Variants in POLN observed in about 807,000 individuals in gnomAD.
POLN encodes DNA polymerase nu, also known as DNA polymerase N.
A neutral mutation model predicts 113.5 loss-of-function variants in POLN; 108 were observed. The observed-to-expected ratio is 0.95, with a 90% CI of 0.81 to 1.12. The LOEUF is 1.12. Among genes scored for constraint, POLN ranks in the 50% most tolerant of loss-of-function variants. The pLI is 0.00. For missense variants in POLN, 1,097 were observed against 1,077.1 expected (o/e 1.02, Z -0.26); for synonymous variants, 386 against 391.5 (o/e 0.99, Z 0.17).
intron 10 of POLN, 60 bp from the exon 11 acceptor site, chr4:2,174,079 C>T: frequency 2.0e-6 from 3 of 1,528,318 alleles, no homozygotes; most frequent in Admixed American, 1.7e-5. Context: ...TTACTAAAGA[C>T]TAAAATGCTT....
At chr4:2,118,361 A>G (rs1731365906) in intron 19 of POLN, among the ~76,000 whole-genome samples, 1 of 152,130 alleles carries the variant, frequency 6.6e-6, no homozygotes, top group Non-Finnish European at 1.5e-5. Context: ...TCATCGATAT[A>G]TTTAAATGTG....
At chr4:2,177,154 GC>G (rs1179981406) in intron 8 of POLN, 4 of 274,068 alleles carry the variant, frequency 1.5e-5, no homozygotes, top group Admixed American at 5.1e-5. Context: ...CTACCTGGCT[GC>G]CTGCAGGAGC....
intron 3 of POLN, among the ~76,000 whole-genome samples, chr4:2,220,192 C>T (rs530699523): frequency 1.3e-5 from 2 of 152,262 alleles, no homozygotes; most frequent in South Asian, 2.1e-4. Flanking sequence ...TGTTAAGCTC[C>T]GTCAGCAGAG....
At chr4:2,200,925 A>C (rs1226978663) in intron 5 of POLN, among the ~76,000 whole-genome samples, 1 of 152,152 alleles carries the variant, frequency 6.6e-6, no homozygotes, top group Admixed American at 6.6e-5. Context: ...TCAGGGAGTC[A>C]CCAGAGAAAG....
At chr4:2,079,369 T>A in intron 23 of POLN, 2 of 927,536 alleles carry the variant, frequency 2.2e-6, no homozygotes, top group Non-Finnish European at 2.6e-6. Flanking sequence ...ACTGTGGAAG[T>A]GAGCGGGATG....
At position 2,198,811 on chromosome 4, in the gene POLN, G is replaced by A. The variant is rs536399140; in HGVS notation, c.715-94C>T. On this transcript the variant is annotated intron_variant, in intron 5 of 25. Coordinates refer to ENST00000511885, the MANE Select transcript of POLN (RefSeq NM_181808.4). ...AATTAAGCAGAGAGAAAGAGAAAAG[G>A]CCTAAAATTAAACTTGTAAATGAAT... 1.3e-5 allele frequency: 16 copies of A among 1,202,788 alleles called. No homozygotes were observed. The Admixed American group carries it at 2.9e-4, about 22-fold the overall frequency. The allele number at this position is 1,202,788 out of a possible 1,614,324, so 74.5% of individuals were successfully genotyped here.
chr4:2,204,109 C>CAAAAAAAAAAAAAAAAAAAA (rs566255148), intron 5 of POLN, among the ~76,000 whole-genome samples: 15 of 53,230 alleles, frequency 2.8e-4, no homozygotes, highest in South Asian at 1.7e-3. Flanking sequence ...AACTCTATCA[C>CAAAAAAAAAAAAAAAAAAAA]AAAAAAAAAA....
At chr4:2,081,573 C>T (rs759594558) in intron 22 of POLN, 60 bp downstream of exon 22, 35 of 1,521,668 alleles carry the variant, frequency 2.3e-5, no homozygotes, top group Middle Eastern at 1.7e-4. Context: ...CCCAGCCCTG[C>T]GGCTGCTAAA....
intron 16 of POLN, among the ~76,000 whole-genome samples, chr4:2,145,294 G>A (rs745662158): frequency 1.3e-4 from 19 of 151,882 alleles, no homozygotes; most frequent in Non-Finnish European, 2.4e-4. Context: ...AAACCTTAAA[G>A]GAAAAGACCA....
At chr4:2,096,686 AAGAGAGAGAGAG>A (rs750844060) in intron 19 of POLN, among the ~76,000 whole-genome samples, 5,306 of 130,008 alleles carry the variant, frequency 0.041, 140 homozygotes, top group Non-Finnish European at 0.057. Flanking sequence ...AGCCGAGAGA[AAGAGAGAGAGAG>A]AGAGAGAGAG....
At chr4:2,212,679 T>A (rs1368145261) in intron 4 of POLN, among the ~76,000 whole-genome samples, 2 of 151,996 alleles carry the variant, frequency 1.3e-5, no homozygotes, top group Non-Finnish European at 2.9e-5. Flanking sequence ...AGCCACTGCA[T>A]CCAGCCTAGG....
intron 6 of POLN, among the ~76,000 whole-genome samples, chr4:2,196,742 A>G (rs542226923): frequency 2.5e-4 from 38 of 152,086 alleles, no homozygotes; most frequent in Non-Finnish European, 4.3e-4. Context: ...CAGGAAAGGG[A>G]CAGAAGGAAG....
At chr4:2,241,199 A>G in intron 2 of POLN, 1 of 380,762 alleles carries the variant, frequency 2.6e-6, no homozygotes, top group Non-Finnish European at 4.6e-6. Context: ...GATAAATGAC[A>G]GGTAGTCGTA....
chr4:2,139,728 T>C (rs1183001920), intron 16 of POLN: 1 of 152,224 alleles, frequency 6.6e-6, no homozygotes, highest in African/African-American at 2.4e-5. Context: ...AATCTTTTGA[T>C]AGATATTTAA....
intron 7 of POLN, among the ~76,000 whole-genome samples, chr4:2,182,947 T>C (rs896573258): frequency 1.3e-5 from 2 of 152,094 alleles, no homozygotes; most frequent in African/African-American, 4.8e-5. Context: ...TATAAATAAT[T>C]CTTACAAATA....
intron 3 of POLN, among the ~76,000 whole-genome samples, chr4:2,218,013 T>C (rs1014587674): frequency 3.9e-5 from 6 of 152,274 alleles, no homozygotes; most frequent in African/African-American, 1.4e-4. Context: ...AATGCAGTAA[T>C]TTAGCCAGGT....
At position 2,156,635 on chromosome 4, in the gene POLN, T is replaced by C. The variant is rs948099029; in HGVS notation, c.1731+153A>G. On this transcript the variant is annotated intron_variant, in intron 16 of 25. Transcript: ENST00000511885. Reference sequence around the variant, plus strand: ...ACCCATCTGTCTTGTTCTCCTGCTATGTTCTCAGAATAAACAGAATAAAAC... The same window carrying C: ...ACCCATCTGTCTTGTTCTCCTGCTACGTTCTCAGAATAAACAGAATAAAAC... The C allele has an allele frequency of 6.0e-5, 42 of 696,520 alleles. No homozygotes were observed. In the Middle Eastern group the frequency reaches 7.0e-4, roughly 12 times the overall value. The allele number at this position is 696,520 out of a possible 1,614,324, so 43.1% of individuals were successfully genotyped here. A position where few individuals can be genotyped will look rare whatever the true frequency, so the allele number is the denominator to read the frequency against.
intron 19 of POLN, among the ~76,000 whole-genome samples, chr4:2,105,804 GTGA>G (rs147342911): frequency 0.12 from 16,878 of 144,808 alleles, 1,659 homozygotes; most frequent in African/African-American, 0.27. Flanking sequence ...CAGACAAATA[GTGA>G]TGATGATGAT....
intron 5 of POLN, among the ~76,000 whole-genome samples, chr4:2,206,590 C>T (rs1733851017): frequency 6.6e-6 from 1 of 152,104 alleles, no homozygotes; most frequent in Non-Finnish European, 1.5e-5. Flanking sequence ...GGGCTAAGGA[C>T]ATGAATAGAC....
Sources: gnomAD v4.1 joint callset for allele counts (sites outside exome capture counted in the v4.1 genomes callset) on GRCh38, gnomAD v4.1.1 for gene constraint, MANE v1.5 for transcripts, NCBI Gene and HGNC (gene_info 2026-07-23, HGNC 2026-07-21) for gene names.